Variants in CTNNA2 observed in about 807,000 individuals in gnomAD.
CTNNA2 encodes catenin alpha-2.
Under a neutral mutation model 101.0 loss-of-function variants are expected in CTNNA2, and 42 were observed. The ratio of observed to expected loss-of-function variants is 0.42; its 90% CI spans 0.32 to 0.54. The LOEUF (loss-of-function observed/expected upper bound fraction) is 0.54. CTNNA2 is among the 20% of genes least tolerant of loss of function. CTNNA2 has a pLI of 0.14. For missense variants in CTNNA2, 871 were observed against 1,223.1 expected (o/e 0.71, Z 4.29); for synonymous variants, 450 against 456.4 (o/e 0.99, Z 0.18).
chr2:79,366,208 G>T (rs1365815999), intron 3 of CTNNA2, among the ~76,000 whole-genome samples: 1 of 152,188 alleles, frequency 6.6e-6, no homozygotes, highest in African/African-American at 2.4e-5. Flanking sequence ...TAAGAGCTAT[G>T]CAGAGTGAGG....
At chr2:80,112,364 TA>T (rs1307619181) in intron 7 of CTNNA2, among the ~76,000 whole-genome samples, 2 of 152,196 alleles carry the variant, frequency 1.3e-5, no homozygotes, top group Non-Finnish European at 2.9e-5. Context: ...ACAGAGATCA[TA>T]AAAAATATTT....
rs926114073 is a variant in CTNNA2, at chr2:80,635,289, C to CA, written c.2575-12290dup. Among the ~76,000 whole-genome samples the CA allele has an allele frequency of 9.6e-4, 146 of 152,062 alleles. 1 individual carries two copies. Among genetic ancestry groups the CA allele is most frequent in the African/African-American group, 3.2e-3 (133 of 41,498 alleles). On this transcript the variant is annotated intron_variant, in intron 18 of 18. Transcript: ENST00000402739. ...TGGAGGGCATTATTCTGTGTCAACT[C>CA]AAAAAATATTTTAAAGAAGACAGAA...
chr2:79,332,347 T>C (rs890036163), intron 3 of CTNNA2, among the ~76,000 whole-genome samples: 15 of 149,394 alleles, frequency 1.0e-4, no homozygotes, highest in Middle Eastern at 3.5e-3. Context: ...AATTAAGCAA[T>C]GTAATCAGTA....
At position 79,501,341 on chromosome 2, in the gene CTNNA2, T is replaced by C. The variant is rs77093782; in HGVS notation, c.-134-3713T>C. ...ATCACTCAGTCTAGCTGGTCTTAAATTCCTGGCCTCTTGGCTGGTCTTAAA... is the reference window on the plus strand; with the variant it reads ...ATCACTCAGTCTAGCTGGTCTTAAACTCCTGGCCTCTTGGCTGGTCTTAAA... On this transcript the variant is annotated intron_variant, in intron 4 of 21. Transcript: ENST00000466387. Among the ~76,000 whole-genome samples, 1,771 of 152,302 alleles carry C rather than the reference T, an allele frequency of 0.012. 91 individuals are homozygous for C. In the East Asian group the frequency reaches 0.14, roughly 12 times the overall value.
chr2:79,209,968 TG>T (rs1261295441), intron 2 of CTNNA2, among the ~76,000 whole-genome samples: 2 of 147,128 alleles, frequency 1.4e-5, no homozygotes, highest in East Asian at 2.0e-4. Flanking sequence ...GTGTGTGTGT[TG>T]GGGGGGCGGG....
intron 3 of CTNNA2, among the ~76,000 whole-genome samples, chr2:79,806,030 T>C (rs1676546659): frequency 6.6e-6 from 1 of 152,106 alleles, no homozygotes; most frequent in Admixed American, 6.5e-5. Flanking sequence ...CAACATGACT[T>C]TTGCATGTAA....
chr2:79,479,490 C>T (rs1029541462), intron 4 of CTNNA2, among the ~76,000 whole-genome samples: 3 of 152,188 alleles, frequency 2.0e-5, no homozygotes, highest in African/African-American at 7.2e-5. Context: ...AATTTAAATA[C>T]AATTACATTT....
At chr2:79,633,062 A>G (rs1207790466) in intron 1 of CTNNA2, among the ~76,000 whole-genome samples, 1 of 152,252 alleles carries the variant, frequency 6.6e-6, no homozygotes, top group East Asian at 1.9e-4. Flanking sequence ...ATCAGTCTGA[A>G]CACAAAGAAT....
At chr2:80,211,900 T>C (rs1334827917) in intron 7 of CTNNA2, among the ~76,000 whole-genome samples, 1 of 152,204 alleles carries the variant, frequency 6.6e-6, no homozygotes, top group African/African-American at 2.4e-5. Context: ...TGTTGAGCAG[T>C]GGTTTGTAGT....
At chr2:80,450,422 T>A (rs535216772) in intron 9 of CTNNA2, among the ~76,000 whole-genome samples, 1 of 152,228 alleles carries the variant, frequency 6.6e-6, no homozygotes, top group African/African-American at 2.4e-5. Context: ...TTTGGGAACA[T>A]CCAGAGAACA....
At chr2:80,453,044 A>G (rs1683654432) in intron 9 of CTNNA2, among the ~76,000 whole-genome samples, 1 of 152,132 alleles carries the variant, frequency 6.6e-6, no homozygotes, top group Admixed American at 6.5e-5. Context: ...GGCCAAAGAG[A>G]CAGACTGGCC....
chr2:80,412,560 C>T (rs1167742518), intron 8 of CTNNA2, among the ~76,000 whole-genome samples: 1 of 152,162 alleles, frequency 6.6e-6, no homozygotes, highest in Non-Finnish European at 1.5e-5. Flanking sequence ...TACCACTTCA[C>T]CAAAAGGTGA....
At chr2:79,761,948 G>T (rs1672815202) in intron 3 of CTNNA2, among the ~76,000 whole-genome samples, 1 of 151,934 alleles carries the variant, frequency 6.6e-6, no homozygotes, top group South Asian at 2.1e-4. Flanking sequence ...TCTTTTTTAT[G>T]CCAAGAGCTC....
intron 7 of CTNNA2, among the ~76,000 whole-genome samples, chr2:80,191,735 G>C (rs1190493484): frequency 6.6e-6 from 1 of 152,124 alleles, no homozygotes; most frequent in Non-Finnish European, 1.5e-5. Context: ...GTAGGGAAGA[G>C]TGAGTTATTA....
At chr2:80,099,568 A>T (rs937078959) in intron 7 of CTNNA2, among the ~76,000 whole-genome samples, 5 of 152,168 alleles carry the variant, frequency 3.3e-5, no homozygotes, top group African/African-American at 1.2e-4. Context: ...ACTGGTATGT[A>T]GGCAAGGGGC....
rs574603871 is a variant in CTNNA2 at position 80,574,127 on chromosome 2, A to G, written c.1742-36A>G. The G allele has an allele frequency of 3.0e-4, 475 of 1,590,034 alleles. 4 individuals carry two copies. The South Asian group carries it at 4.8e-3, about 16-fold the overall frequency. ...CTGGAATAAGAGGTAGTGAGAGAGA[A>G]ATTGCCTAATCCTCTGCTTTTTATT... is the stretch of plus-strand genomic sequence containing the variant. On this transcript the variant is annotated intron_variant, in intron 12 of 18. Coordinates refer to ENST00000402739, the MANE Select transcript of CTNNA2 (RefSeq NM_001282597.3).
intron 7 of CTNNA2, among the ~76,000 whole-genome samples, chr2:80,194,767 A>G (rs1232347068): frequency 6.7e-6 from 1 of 149,952 alleles, no homozygotes; most frequent in East Asian, 2.0e-4. Flanking sequence ...CTATTAATAT[A>G]TTATATATTT....
At chr2:80,415,937 A>G (rs1170537038) in intron 8 of CTNNA2, among the ~76,000 whole-genome samples, 1 of 152,218 alleles carries the variant, frequency 6.6e-6, no homozygotes, top group Non-Finnish European at 1.5e-5. Flanking sequence ...TAAGCCAGAC[A>G]GAGAAAGACA....
rs546223693 is a variant in CTNNA2 at position 80,389,406 on chromosome 2, C to T, written c.1057-3805C>T. Among the ~76,000 whole-genome samples, 15 of 152,020 alleles carry T rather than the reference C, an allele frequency of 9.9e-5. 1 individual carries two copies. Among genetic ancestry groups the T allele is most frequent in the East Asian group, 9.7e-4 (5 of 5,146 alleles). ...GAGCTGATACTAGGAGGCAAGTCTC[C>T]GCTCCTTCCTTCCTCCCTCCTCACT... On this transcript the variant is annotated intron_variant, in intron 7 of 18. Coordinates refer to ENST00000402739, the MANE Select transcript of CTNNA2 (RefSeq NM_001282597.3).
Sources: gnomAD v4.1 joint callset for allele counts (sites outside exome capture counted in the v4.1 genomes callset) on GRCh38, gnomAD v4.1.1 for gene constraint, MANE v1.5 for transcripts, NCBI Gene and HGNC (gene_info 2026-07-23, HGNC 2026-07-21) for gene names.